Variants in KIF21A observed in about 807,000 individuals in gnomAD.
The protein encoded by KIF21A is kinesin family member 21A, also known as kinesin-like protein KIF21A.
In KIF21A, 114 loss-of-function variants were observed where a neutral mutation model predicts 202.9. The observed-to-expected ratio is 0.56, with a 90% CI of 0.48 to 0.66. KIF21A has a LOEUF of 0.66. Ranked by LOEUF, KIF21A falls within the 30% of genes least tolerant of loss-of-function variation. The pLI is 0.00. For missense variants in KIF21A, 1,677 were observed against 1,994.9 expected, an observed-to-expected ratio of 0.84 and a Z score of 3.04; for synonymous variants, 667 against 670.8, an observed-to-expected ratio of 0.99 and a Z score of 0.09.
intron 1 of KIF21A, among the ~76,000 whole-genome samples, chr12:39,423,281 G>A (rs1031586391): frequency 6.6e-6 from 1 of 151,892 alleles, no homozygotes; most frequent in African/African-American, 2.4e-5. Context: ...GCTCCCTAAT[G>A]TAGTTTCCAG....
intron 1 of KIF21A, among the ~76,000 whole-genome samples, chr12:39,408,450 C>A (rs1337309813): frequency 6.6e-6 from 1 of 152,120 alleles, no homozygotes; most frequent in East Asian, 1.9e-4. Context: ...CAGTTCCTAG[C>A]AGGCCACAGA....
At chr12:39,428,569 T>C (rs898692381) in intron 1 of KIF21A, among the ~76,000 whole-genome samples, 1 of 152,208 alleles carries the variant, frequency 6.6e-6, no homozygotes, top group Non-Finnish European at 1.5e-5. Context: ...ATTTTTATAA[T>C]ATGCAATGTG....
intron 1 of KIF21A, among the ~76,000 whole-genome samples, chr12:39,417,764 A>G (rs1953893366): frequency 6.6e-6 from 1 of 152,072 alleles, no homozygotes; most frequent in Admixed American, 6.5e-5. Context: ...GGGCAGCAAC[A>G]AAGGGAATGG....
At chr12:39,307,251 G>A (rs1943566243) in intron 34 of KIF21A, among the ~76,000 whole-genome samples, 1 of 152,076 alleles carries the variant, frequency 6.6e-6, no homozygotes, top group African/African-American at 2.4e-5. Flanking sequence ...GGTGAAACTA[G>A]GATGAGAATC....
At chr12:39,322,934 G>T in intron 26 of KIF21A, 52 bp from the exon 27 acceptor site, 2 of 1,182,124 alleles carry the variant, frequency 1.7e-6, no homozygotes, top group Non-Finnish European at 2.3e-6. Context: ...TTGCATAGAA[G>T]CTGATTAGAG....
At position 39,346,447 on chromosome 12, in the gene KIF21A, A is replaced by T. The variant is rs1947899655; in HGVS notation, c.1712+19T>A. On this transcript the variant is annotated intron_variant, in intron 12 of 37. Coordinates refer to ENST00000361418, the MANE Select transcript of KIF21A (RefSeq NM_001173464.2). The stretch of plus-strand genomic sequence containing the variant: ...TATTTAAACGACATTTTAATAAAAA[A>T]CCTGGGAAATATTCCAACCTTCTTT... 1 of 1,452,778 alleles carries T rather than the reference A, an allele frequency of 6.9e-7. No homozygotes were observed. Among genetic ancestry groups the T allele is most frequent in the Non-Finnish European group, 9.0e-7 (1 of 1,106,326 alleles). 90.0% of individuals were successfully genotyped at this position (1,452,778 alleles called of 1,614,324 possible).
At chr12:39,406,441 T>C (rs1204071222) in intron 1 of KIF21A, among the ~76,000 whole-genome samples, 1 of 152,178 alleles carries the variant, frequency 6.6e-6, no homozygotes, top group Non-Finnish European at 1.5e-5. Context: ...AGTTGGCAAA[T>C]GATTCTCTAT....
chr12:39,353,535 A>C (rs1274681808), intron 10 of KIF21A, among the ~76,000 whole-genome samples: 1 of 152,144 alleles, frequency 6.6e-6, no homozygotes. Context: ...AATATATTAT[A>C]CTTTTCTATA....
In KIF21A at chr12:39,358,089, A is replaced by C. The variant is rs1191402204; in HGVS notation, c.1215+89T>G. On this transcript the variant is annotated intron_variant, in intron 8 of 37. Coordinates refer to ENST00000361418, the MANE Select transcript of KIF21A (RefSeq NM_001173464.2). ...ACTATTATGACAACCAAGAGATTCCAGAAACACGTATGTGTAAGGCATTAT... is the reference window on the plus strand; with the variant it reads ...ACTATTATGACAACCAAGAGATTCCCGAAACACGTATGTGTAAGGCATTAT... 5.3e-6 allele frequency: 6 copies of C among 1,122,920 alleles called. No homozygotes were observed. In the African/African-American group the frequency reaches 9.2e-5, roughly 17 times the overall value. The allele number at this position is 1,122,920 out of a possible 1,614,324, so 69.6% of individuals were successfully genotyped here.
At chr12:39,416,726 CAT>C (rs1386048930) in intron 1 of KIF21A, among the ~76,000 whole-genome samples, 17 of 71,264 alleles carry the variant, frequency 2.4e-4, no homozygotes, top group East Asian at 3.6e-4. Context: ...TATATATGTA[CAT>C]ATATATGTGT....
rs1394615228 is a variant in KIF21A, at chr12:39,342,073, T to C, written c.1764A>G (p.Glu588=). ...TGTTTTCTCTTTCCGAAACACCCTT[T>C]TCTTCTTTCTTCTCTTGGTCAGTGT... The part of the protein sequence containing the change: ...NTDTDQEKKE[E]KGVSERENNE... Residue 588 remains glutamate (E), a synonymous_variant, in exon 13 of 38, where the codon GAA becomes GAG. Transcript: ENST00000361418. 1 of 1,612,058 alleles carries C rather than the reference T, an allele frequency of 6.2e-7. No individual in the cohort carries two copies. The highest frequency in any genetic ancestry group is 1.7e-5 in the Admixed American group (1 of 59,948).
intron 7 of KIF21A, among the ~76,000 whole-genome samples, chr12:39,360,193 GAAAAT>G (rs910138712): frequency 2.0e-5 from 3 of 151,406 alleles, no homozygotes; most frequent in Admixed American, 6.6e-5. Flanking sequence ...AAAACTCAAA[GAAAAT>G]AAAATAAAGC....
intron 16 of KIF21A, among the ~76,000 whole-genome samples, chr12:39,338,385 T>TA (rs1387156781): frequency 2.0e-5 from 3 of 152,180 alleles, no homozygotes; most frequent in African/African-American, 7.2e-5. Flanking sequence ...TTTTTTAACT[T>TA]AAAATATTTA....
At chr12:39,352,012 C>A in intron 10 of KIF21A, 32 bp from the exon 11 acceptor site, 1 of 1,479,828 alleles carries the variant, frequency 6.8e-7, no homozygotes, top group Non-Finnish European at 9.4e-7. Flanking sequence ...AAATAGGGAG[C>A]ATTTTTCTCT....
intron 11 of KIF21A, among the ~76,000 whole-genome samples, chr12:39,346,781 T>C (rs1029549860): frequency 6.6e-6 from 1 of 151,956 alleles, no homozygotes; most frequent in Admixed American, 6.6e-5. Context: ...TCTCAATTTA[T>C]AAAAGTTGAT....
chr12:39,359,142 T>C (rs908242349), intron 7 of KIF21A, among the ~76,000 whole-genome samples: 19 of 152,318 alleles, frequency 1.2e-4, no homozygotes, highest in Admixed American at 1.1e-3. Flanking sequence ...AATCATAATC[T>C]TAGCCTCCTA....
intron 35 of KIF21A, 86 bp from the exon 36 acceptor site, chr12:39,303,221 G>T: frequency 9.1e-7 from 1 of 1,102,946 alleles, no homozygotes; most frequent in African/African-American, 1.5e-5. Context: ...ACATACACAT[G>T]TATGTTAATC....
At position 39,332,351 on chromosome 12, in the gene KIF21A, C is replaced by T. The variant is rs1180924393; in HGVS notation, c.2914G>A (p.Val972Ile). ...TTATCTCCCTCTCCATTCTCCTTGA[C>T]TATCTTCTCCCTTCTTTTTGAAAGT... is the stretch of plus-strand genomic sequence containing the variant. ...EKLSKRREKI[V>I]KENGEGDKNV... Residue 972 changes from valine (V) to isoleucine (I), a missense_variant, in exon 21 of 38, where the codon GTC becomes ATC. Val to Ile is a conservative substitution (Grantham distance 29, BLOSUM62 3). This residue lies in a region of KIF21A where 966 missense variants were observed against 1,180.9 expected (regional missense o/e 0.82). Coordinates refer to ENST00000361418, the MANE Select transcript of KIF21A (RefSeq NM_001173464.2). 6.2e-7 allele frequency: 1 copy of T among 1,613,954 alleles called. No individual in the cohort carries two copies. The highest frequency in any genetic ancestry group is 1.7e-5 in the Admixed American group (1 of 59,998).
rs1278388048 is a variant in KIF21A at position 39,357,502 on chromosome 12, G to C, written c.1216-65C>G. On this transcript the variant is annotated intron_variant, in intron 8 of 37. Transcript: ENST00000361418. ...TTAAAAACACAAGAGTTTTGCTTAA[G>C]AATACTCTATAACTATACAATTCTC... 2.3e-6 allele frequency: 3 copies of C among 1,323,646 alleles called. No individual in the cohort carries two copies. The African/African-American group carries it at 4.3e-5, about 19-fold the overall frequency. 82.0% of individuals were successfully genotyped at this position (1,323,646 alleles called of 1,614,324 possible).
Sources: gnomAD v4.1 joint callset for allele counts (sites outside exome capture counted in the v4.1 genomes callset) on GRCh38, gnomAD v4.1.1 for gene constraint, gnomAD v4.1.1 regional missense constraint, MANE v1.5 for transcripts, NCBI Gene and HGNC (gene_info 2026-07-23, HGNC 2026-07-21) for gene names.